The following NBEA variants were observed in gnomAD, a reference collection of about 807,000 sequenced individuals.
The protein encoded by NBEA is neurobeachin.
Under a neutral mutation model 343.4 loss-of-function variants are expected in NBEA, and 44 were observed. That is an observed-to-expected ratio of 0.13 (90% confidence interval 0.10 to 0.16). The LOEUF (loss-of-function observed/expected upper bound fraction) is 0.16, where lower values mean the gene tolerates loss of function less well. Ranked by LOEUF, NBEA falls within the 10% of genes least tolerant of loss-of-function variation. The pLI is 1.00. For synonymous variants in NBEA, 1,175 were observed against 1,238.7 expected, an observed-to-expected ratio of 0.95 and a Z score of 1.08; for missense variants, 2,555 against 3,631.3, an observed-to-expected ratio of 0.70 and a Z score of 7.62.
intron 1 of NBEA, among the ~76,000 whole-genome samples, chr13:35,014,726 G>C (rs1230245280): frequency 6.6e-6 from 1 of 151,898 alleles, no homozygotes; most frequent in Non-Finnish European, 1.5e-5. Flanking sequence ...AAGCTTCTTG[G>C]TGGGAGCAGA....
intron 36 of NBEA, among the ~76,000 whole-genome samples, chr13:35,342,577 T>C (rs935727640): frequency 2.0e-5 from 3 of 151,996 alleles, no homozygotes; most frequent in Non-Finnish European, 2.9e-5. Flanking sequence ...GTAGAAATTG[T>C]CTTTATAAAG....
At chr13:35,648,049 A>T (rs997198106) in intron 51 of NBEA, among the ~76,000 whole-genome samples, 1 of 151,468 alleles carries the variant, frequency 6.6e-6, no homozygotes, top group Non-Finnish European at 1.5e-5. Flanking sequence ...CTAAATTTTT[A>T]AAATTTTTTG....
intron 38 of NBEA, among the ~76,000 whole-genome samples, chr13:35,380,147 A>G (rs376552453): frequency 1.3e-5 from 2 of 152,182 alleles, no homozygotes; most frequent in South Asian, 2.1e-4. Flanking sequence ...TTCTCTTGGT[A>G]ATACTTTGTA....
In NBEA at chr13:35,241,472, AC is replaced by A. The variant is rs1402087962; in HGVS notation, c.5776+8854del. 7.2e-5 allele frequency among the ~76,000 whole-genome samples: 11 copies of A among 152,010 alleles called. No homozygotes were observed. In the East Asian group the frequency reaches 1.5e-3, roughly 21 times the overall value. On this transcript the variant is annotated intron_variant, in intron 34 of 58. Coordinates refer to ENST00000379939, the MANE Select transcript of NBEA (RefSeq NM_001385012.1). Reference sequence around the variant, plus strand: ...ATATCAAATGTTTCAGGAGAAAAAAACATAGGAAAATATCTGTAATACCAAA... The same window carrying A: ...ATATCAAATGTTTCAGGAGAAAAAAAATAGGAAAATATCTGTAATACCAAA...
chr13:35,245,093 G>A (rs1011516021), intron 34 of NBEA, among the ~76,000 whole-genome samples: 1 of 151,816 alleles, frequency 6.6e-6, no homozygotes, highest in African/African-American at 2.4e-5. Flanking sequence ...TCTCTTGTTT[G>A]GTCTGATATA....
intron 41 of NBEA, among the ~76,000 whole-genome samples, chr13:35,523,396 G>A (rs2077814054): frequency 6.6e-6 from 1 of 152,154 alleles, no homozygotes; most frequent in Admixed American, 6.5e-5. Context: ...CAGATTTTAA[G>A]GAAAATAGAA....
intron 1 of NBEA, among the ~76,000 whole-genome samples, chr13:34,947,566 A>G (rs2059224244): frequency 6.6e-6 from 1 of 152,116 alleles, no homozygotes; most frequent in Non-Finnish European, 1.5e-5. Flanking sequence ...TCTTTATACA[A>G]TGTCAGCATA....
intron 16 of NBEA, among the ~76,000 whole-genome samples, chr13:35,119,618 G>A (rs9543388): frequency 0.13 from 19,893 of 151,854 alleles, 1,848 homozygotes; most frequent in East Asian, 0.45. Flanking sequence ...TTGCTCTGTC[G>A]CCCAGGCTGG....
At chr13:35,670,456 G>A (rs74042815) in intron 58 of NBEA, among the ~76,000 whole-genome samples, 280 of 152,280 alleles carry the variant, frequency 1.8e-3, no homozygotes, top group African/African-American at 6.5e-3. Flanking sequence ...TTGCCTTTAC[G>A]TCCAGGGAGA....
At chr13:35,263,544 CAT>C (rs1170030588) in intron 34 of NBEA, among the ~76,000 whole-genome samples, 1 of 152,218 alleles carries the variant, frequency 6.6e-6, no homozygotes, top group Admixed American at 6.5e-5. Context: ...CAAGTCTTAA[CAT>C]ATTTAGGAAG....
chr13:35,487,909 A>G (rs890990283), intron 41 of NBEA, among the ~76,000 whole-genome samples: 9 of 151,876 alleles, frequency 5.9e-5, no homozygotes, highest in Non-Finnish European at 1.0e-4. Context: ...AGAAAGTATT[A>G]CTCCTAGAAT....
In NBEA at chr13:35,045,388, G is replaced by T; in HGVS notation, c.710G>T (p.Gly237Val). The change falls in exon 4 of 59, where the codon GGT (glycine) becomes GTT (valine). Residue 237 changes from glycine to valine, a missense_variant. Around this residue, in one of 21 missense-constraint regions of NBEA, gnomAD observed 185 missense variants for 290.6 expected, o/e 0.64. Coordinates refer to ENST00000379939, the MANE Select transcript of NBEA (RefSeq NM_001385012.1). Reference protein sequence around the residue: ...HGPDTFFNFPGCSAAAIALPP... With the variant: ...HGPDTFFNFPVCSAAAIALPP... Reference sequence around the variant, plus strand: ...CCTGATACTTTTTTCAATTTCCCTGGTTGTAGCGCTGCGGTAAGTTTTAAA... The same window carrying T: ...CCTGATACTTTTTTCAATTTCCCTGTTTGTAGCGCTGCGGTAAGTTTTAAA... The T allele has an allele frequency of 6.2e-7, 1 of 1,608,838 alleles. No individual in the cohort carries two copies. Among genetic ancestry groups the T allele is most frequent in the Non-Finnish European group, 8.5e-7 (1 of 1,177,130 alleles).
At chr13:35,001,316 C>A (rs549621993) in intron 1 of NBEA, among the ~76,000 whole-genome samples, 37 of 152,186 alleles carry the variant, frequency 2.4e-4, no homozygotes, top group African/African-American at 8.9e-4. Context: ...AGTCCCACTA[C>A]ATAGGATATA....
intron 38 of NBEA, among the ~76,000 whole-genome samples, chr13:35,354,220 C>T (rs939520070): frequency 6.6e-6 from 1 of 152,172 alleles, no homozygotes; most frequent in African/African-American, 2.4e-5. Context: ...CTAACAATAA[C>T]CTGAGCATTT....
intron 40 of NBEA, among the ~76,000 whole-genome samples, chr13:35,468,095 G>A: frequency 7.9e-5 from 1 of 12,620 alleles, no homozygotes. Context: ...ACCCCCTCCT[G>A]AAAATGATTT....
rs575110719 is a variant in NBEA at position 34,963,856 on chromosome 13, G to A, written c.294+20742G>A. Among the ~76,000 whole-genome samples, 61 of 151,984 alleles carry A rather than the reference G, an allele frequency of 4.0e-4. 1 individual carries two copies. In the South Asian group the frequency reaches 0.012, roughly 30 times the overall value. On this transcript the variant is annotated intron_variant, in intron 1 of 58. Transcript: ENST00000379939. ...TTAAAAAATATATGCTGCAATGTTT[G>A]TAGAAAATCTAGGTCTTACTTTTCT...
intron 41 of NBEA, chr13:35,475,198 C>T: frequency 1.2e-6 from 2 of 1,613,934 alleles, no homozygotes; most frequent in Non-Finnish European, 1.7e-6. Context: ...GGGACACCGC[C>T]GGCACTGCAG....
Position 35,183,928 on chromosome 13 carries a change from A to G in NBEA, c.4832-48A>G, listed in dbSNP as rs781016426. On this transcript the variant is annotated intron_variant, in intron 29 of 58. Coordinates refer to ENST00000379939, the MANE Select transcript of NBEA (RefSeq NM_001385012.1). ...ATGGATCTTCAGTGGACCATGTGGC[A>G]GGTTGTTACATGCTGGCTCAAATTT... The G allele has an allele frequency of 5.6e-5, 76 of 1,362,814 alleles. No homozygotes were observed. In the South Asian group the frequency reaches 9.0e-4, roughly 16 times the overall value. 84.4% of individuals were successfully genotyped at this position (1,362,814 alleles called of 1,614,324 possible).
At chr13:35,312,128 C>G (rs1291660434) in intron 36 of NBEA, among the ~76,000 whole-genome samples, 3 of 152,102 alleles carry the variant, frequency 2.0e-5, no homozygotes, top group African/African-American at 7.2e-5. Context: ...ATAAATGATT[C>G]CAGTTTCTTG....
Sources: allele counts gnomAD v4.1 joint callset (sites outside exome capture counted in the v4.1 genomes callset), GRCh38; gene constraint gnomAD v4.1.1; regional missense constraint gnomAD v4.1.1; transcripts MANE v1.5; gene names NCBI Gene and HGNC (gene_info 2026-07-23, HGNC 2026-07-21).